Variants in ZDHHC21 observed in about 807,000 individuals in gnomAD.
The protein encoded by ZDHHC21 is palmitoyltransferase ZDHHC21.
A neutral mutation model predicts 34.6 loss-of-function variants in ZDHHC21; 15 were observed. That is an observed-to-expected ratio of 0.43 (90% confidence interval 0.29 to 0.67). The LOEUF (loss-of-function observed/expected upper bound fraction) is 0.67, where lower values mean the gene tolerates loss of function less well. Ranked by LOEUF, ZDHHC21 falls within the 30% of genes least tolerant of loss-of-function variation. The probability of loss-of-function intolerance (pLI) is 0.14; values close to 1 mark genes in which losing one functional copy is unlikely to be tolerated. For synonymous variants in ZDHHC21, 142 were observed against 101.8 expected, an observed-to-expected ratio of 1.40 and a Z score of -2.38; for missense variants, 344 against 327.7, an observed-to-expected ratio of 1.05 and a Z score of -0.38.
intron 5 of ZDHHC21, among the ~76,000 whole-genome samples, chr9:14,669,895 C>A (rs1835146789): frequency 7.0e-6 from 1 of 143,184 alleles, no homozygotes. Context: ...GGGAGATATA[C>A]CTAATGCTAG....
downstream of ZDHHC21, among the ~76,000 whole-genome samples, chr9:14,609,753 C>G (rs184114933): frequency 7.0e-4 from 107 of 152,128 alleles, no homozygotes; most frequent in Middle Eastern, 6.8e-3. Flanking sequence ...ACGAAAAGTT[C>G]CTTGGTATTG....
chr9:14,680,166 T>C lies in ZDHHC21; in HGVS notation c.-175-4A>G, dbSNP rs1421595607. ...AATAACAGTTCTCCATGAGAACCTA[T>C]TCATGGTTTAACAAACAATGATTTC... is the stretch of plus-strand genomic sequence containing the variant. On this transcript the variant is annotated splice_polypyrimidine_tract_variant and splice_region_variant and intron_variant, in intron 2 of 9. Transcript: ENST00000380916. The C allele has an allele frequency of 6.6e-6, 1 of 152,476 alleles. No homozygotes were observed. Among genetic ancestry groups the C allele is most frequent in the Non-Finnish European group, 1.5e-5 (1 of 67,980 alleles). The allele number at this position is 152,476 out of a possible 1,614,324, so 9.4% of individuals were successfully genotyped here.
chr9:14,650,204 AG>A (rs1742774241), intron 7 of ZDHHC21, among the ~76,000 whole-genome samples: 1 of 151,826 alleles, frequency 6.6e-6, no homozygotes. Flanking sequence ...TAGAATAAAT[AG>A]ATTATTCTTA....
chr9:14,609,343 C>G (rs183029351), downstream of ZDHHC21, among the ~76,000 whole-genome samples: 13 of 152,072 alleles, frequency 8.5e-5, no homozygotes, highest in Non-Finnish European at 4.4e-5. Flanking sequence ...GAACTAGCCA[C>G]TTTCTTTCAT....
At chr9:14,653,148 T>C (rs1831550501) in intron 7 of ZDHHC21, among the ~76,000 whole-genome samples, 1 of 151,888 alleles carries the variant, frequency 6.6e-6, no homozygotes, top group African/African-American at 2.4e-5. Context: ...TCCTGAATAA[T>C]AGAAAGGATA....
rs1456742367 is a variant in ZDHHC21 at position 14,612,918 on chromosome 9, C to T, written c.*6048G>A. 1.3e-5 allele frequency: 2 copies of T among 150,968 alleles called. No individual in the cohort carries two copies. Among genetic ancestry groups the T allele is most frequent in the South Asian group, 2.1e-4 (1 of 4,808 alleles). The allele number at this position is 150,968 out of a possible 1,614,324, so 9.4% of individuals were successfully genotyped here. A position where few individuals can be genotyped will look rare whatever the true frequency, so the allele number is the denominator to read the frequency against. ...TTTGTAATGAGAACGAACCTTAACT[C>T]TTCATCTTAGTATTTTGTTTCAGTA... On this transcript the variant is annotated 3_prime_UTR_variant, in exon 10 of 10. Transcript: ENST00000380916.
In ZDHHC21 at chr9:14,613,901, C is replaced by A. The variant is rs1823748024; in HGVS notation, c.*5065G>T. ...GCTGAGTTTTCCACATTATTTTTAA[C>A]ACTTCACATGATCATACTCTACACA... On this transcript the variant is annotated 3_prime_UTR_variant, in exon 10 of 10. Coordinates refer to ENST00000380916, the MANE Select transcript of ZDHHC21 (RefSeq NM_178566.6). The A allele has an allele frequency of 6.6e-6, 1 of 151,758 alleles. No individual in the cohort carries two copies. Among genetic ancestry groups the A allele is most frequent in the African/African-American group, 2.4e-5 (1 of 41,402 alleles). The allele number at this position is 151,758 out of a possible 1,614,324, so 9.4% of individuals were successfully genotyped here. A position where few individuals can be genotyped will look rare whatever the true frequency, so the allele number is the denominator to read the frequency against.
intron 2 of ZDHHC21, among the ~76,000 whole-genome samples, chr9:14,684,384 C>T (rs969886229): frequency 4.0e-5 from 6 of 150,118 alleles, no homozygotes; most frequent in East Asian, 1.9e-4. Flanking sequence ...GTGCAAAAAT[C>T]ACAAGCATTC....
Position 14,618,925 on chromosome 9 carries a change from T to G in ZDHHC21, c.*41A>C. On this transcript the variant is annotated 3_prime_UTR_variant, in exon 10 of 10. Transcript: ENST00000380916. ...TATTATCATAAAACCTGTAACGCAT[T>G]GCCAGCATGGAGGACCCATCTGTGC... 6.5e-7 allele frequency: 1 copy of G among 1,535,150 alleles called. No individual in the cohort carries two copies. The highest frequency in any genetic ancestry group is 8.8e-7 in the Non-Finnish European group (1 of 1,140,214).
At chr9:14,678,527 T>C (rs1387958946) in intron 3 of ZDHHC21, among the ~76,000 whole-genome samples, 1 of 152,016 alleles carries the variant, frequency 6.6e-6, no homozygotes, top group East Asian at 1.9e-4. Context: ...TGATATCCAA[T>C]GTTAAGAGGG....
intron 1 of ZDHHC21, 31 bp downstream of exon 1, chr9:14,693,198 G>A (rs905458674): frequency 3.8e-5 from 13 of 341,774 alleles, no homozygotes; most frequent in Middle Eastern, 1.9e-3. Context: ...GGGTGGGGGC[G>A]GCCGCTTCGC....
At chr9:14,670,460 TAAAC>T (rs1835247962) in intron 5 of ZDHHC21, among the ~76,000 whole-genome samples, 1 of 152,138 alleles carries the variant, frequency 6.6e-6, no homozygotes, top group African/African-American at 2.4e-5. Context: ...TCTGGGTCCA[TAAAC>T]AAAGTTTGAT....
intron 5 of ZDHHC21, among the ~76,000 whole-genome samples, chr9:14,663,035 C>A (rs1287645553): frequency 1.3e-5 from 2 of 152,152 alleles, no homozygotes. Flanking sequence ...TTCCTCTAAT[C>A]TGGAGTGAAA....
intron 1 of ZDHHC21, among the ~76,000 whole-genome samples, chr9:14,692,642 T>A (rs1024022069): frequency 2.8e-5 from 4 of 142,086 alleles, no homozygotes; most frequent in Non-Finnish European, 6.3e-5. Context: ...CCTGTTACAG[T>A]GAACAGTAAC....
At chr9:14,621,336 A>G (rs1331437273) in intron 8 of ZDHHC21, among the ~76,000 whole-genome samples, 1 of 152,072 alleles carries the variant, frequency 6.6e-6, no homozygotes, top group Admixed American at 6.6e-5. Context: ...AATTTTTACT[A>G]TGGAGAAATT....
intron 2 of ZDHHC21, among the ~76,000 whole-genome samples, chr9:14,680,503 T>C (rs914788324): frequency 2.2e-4 from 33 of 152,184 alleles, no homozygotes; most frequent in African/African-American, 7.2e-4. Context: ...TAGATTCTGG[T>C]AGAAGAATCT....
At chr9:14,603,314 G>T in the ZDHHC21 span, among the ~76,000 whole-genome samples, 1 of 151,806 alleles carries the variant, frequency 6.6e-6, no homozygotes, top group South Asian at 2.1e-4. Context: ...CAAATAGGAG[G>T]AGTTACCTCC....
chr9:14,659,776 G>A (rs772606527), intron 6 of ZDHHC21, among the ~76,000 whole-genome samples: 2 of 152,152 alleles, frequency 1.3e-5, no homozygotes, highest in Non-Finnish European at 2.9e-5. Context: ...AAACCTTAGA[G>A]AGGCATTTCT....
At chr9:14,669,671 G>A (rs1835103677) in intron 5 of ZDHHC21, among the ~76,000 whole-genome samples, 1 of 146,234 alleles carries the variant, frequency 6.8e-6, no homozygotes, top group South Asian at 2.2e-4. Flanking sequence ...ATACTATGCA[G>A]CCATAAAAAA....
Sources: allele counts gnomAD v4.1 joint callset (sites outside exome capture counted in the v4.1 genomes callset), GRCh38; gene constraint gnomAD v4.1.1; transcripts MANE v1.5; gene names NCBI Gene and HGNC (gene_info 2026-07-23, HGNC 2026-07-21).